TTLL5: variants seen among roughly 807,000 people sequenced by gnomAD.
The protein encoded by TTLL5 is tubulin tyrosine ligase like 5, also known as tubulin polyglutamylase TTLL5.
A neutral mutation model predicts 168.4 loss-of-function variants in TTLL5; 132 were observed. The ratio of observed to expected loss-of-function variants is 0.78; its 90% CI spans 0.68 to 0.91. The LOEUF is 0.91. Among genes scored for constraint, TTLL5 ranks in the 40% least tolerant of loss-of-function variants. The pLI, the probability that TTLL5 is intolerant of heterozygous loss-of-function variation, is 0.00. For synonymous variants in TTLL5, 546 were observed against 558.6 expected (o/e 0.98, Z 0.32); for missense variants, 1,545 against 1,581.5 (o/e 0.98, Z 0.39).
chr14:75,896,801 A>G (rs2032683077), intron 30 of TTLL5, among the ~76,000 whole-genome samples: 1 of 152,204 alleles, frequency 6.6e-6, no homozygotes, highest in Non-Finnish European at 1.5e-5. Flanking sequence ...AGATCCACGA[A>G]AAACATGTCA....
intron 20 of TTLL5, among the ~76,000 whole-genome samples, chr14:75,769,472 T>C (rs992732493): frequency 1.3e-5 from 2 of 152,206 alleles, no homozygotes; most frequent in African/African-American, 4.8e-5. Context: ...CTGAACAATG[T>C]GTCCAATACC....
intron 28 of TTLL5, among the ~76,000 whole-genome samples, chr14:75,824,937 T>C (rs1376230389): frequency 2.0e-5 from 3 of 152,214 alleles, no homozygotes; most frequent in African/African-American, 7.2e-5. Context: ...GCAATTTCTG[T>C]TAGGAAGATG....
intron 31 of TTLL5, among the ~76,000 whole-genome samples, chr14:75,928,340 A>AAAATATATATATATATATATAT (rs1227482803): frequency 1.1e-4 from 2 of 18,388 alleles, no homozygotes; most frequent in Admixed American, 6.5e-4. Flanking sequence ...GAATGACAAA[A>AAAATATATATATATATATATAT]ACATATATAT....
intron 19 of TTLL5, 82 bp from the exon 20 acceptor site, chr14:75,765,980 A>T: frequency 7.7e-7 from 1 of 1,304,868 alleles, no homozygotes; most frequent in Non-Finnish European, 1.1e-6. Context: ...ATGGGCTTTT[A>T]CTAAAAAGAG....
intron 27 of TTLL5, among the ~76,000 whole-genome samples, chr14:75,812,452 C>T (rs1894104786): frequency 6.6e-6 from 1 of 152,112 alleles, no homozygotes; most frequent in Admixed American, 6.5e-5. Context: ...ACCACTATTT[C>T]TCAGGGCAGC....
intron 18 of TTLL5, among the ~76,000 whole-genome samples, chr14:75,756,949 T>C (rs1890300577): frequency 6.8e-6 from 1 of 147,020 alleles, no homozygotes; most frequent in South Asian, 2.3e-4. Flanking sequence ...GAGTATCTTT[T>C]TTCAATAGAG....
chr14:75,775,673 A>G, intron 22 of TTLL5, 43 bp downstream of exon 22: 1 of 1,606,126 alleles, frequency 6.2e-7, no homozygotes, highest in Non-Finnish European at 8.5e-7. Context: ...ATTGCCATAC[A>G]CTGTCAGAAA....
At chr14:75,678,615 A>G (rs74211653) in intron 3 of TTLL5, among the ~76,000 whole-genome samples, 1 of 152,086 alleles carries the variant, frequency 6.6e-6, no homozygotes, top group Non-Finnish European at 1.5e-5. Flanking sequence ...TAAATATTCT[A>G]GACTGCTTGT....
At chr14:75,670,733 C>G (rs1203504176) in intron 3 of TTLL5, among the ~76,000 whole-genome samples, 1 of 152,142 alleles carries the variant, frequency 6.6e-6, no homozygotes, top group African/African-American at 2.4e-5. Context: ...AAGGCCTATT[C>G]AAGTCCTTTG....
chr14:75,670,336 G>T (rs954279030), intron 3 of TTLL5, among the ~76,000 whole-genome samples: 1 of 152,036 alleles, frequency 6.6e-6, no homozygotes, highest in African/African-American at 2.4e-5. Flanking sequence ...AATCCACTGT[G>T]TCTGGCCTTT....
At chr14:75,932,215 CA>C (rs1254328605) in intron 31 of TTLL5, among the ~76,000 whole-genome samples, 2 of 152,148 alleles carry the variant, frequency 1.3e-5, no homozygotes, top group African/African-American at 4.8e-5. Flanking sequence ...TCTTTGTAAT[CA>C]ACTTTTTTTC....
chr14:75,917,967 A>G (rs1375357561), intron 31 of TTLL5, among the ~76,000 whole-genome samples: 1 of 152,194 alleles, frequency 6.6e-6, no homozygotes, highest in Admixed American at 6.5e-5. Context: ...GTCCAGGGCT[A>G]GTGCTGCTCT....
intron 5 of TTLL5, among the ~76,000 whole-genome samples, chr14:75,687,530 TC>T (rs1885161530): frequency 6.6e-6 from 1 of 152,146 alleles, no homozygotes; most frequent in South Asian, 2.1e-4. Context: ...TGCCTCAGCC[TC>T]CCAAAGTGCT....
chr14:75,800,069 T>C (rs765782806), intron 27 of TTLL5, among the ~76,000 whole-genome samples: 25 of 152,360 alleles, frequency 1.6e-4, no homozygotes, highest in Non-Finnish European at 2.9e-4. Context: ...TTTTCCAAAC[T>C]TTTAGATTTC....
chr14:75,941,891 A>G (rs921444228), intron 31 of TTLL5, among the ~76,000 whole-genome samples: 29 of 133,976 alleles, frequency 2.2e-4, no homozygotes, highest in South Asian at 1.4e-3. Flanking sequence ...GCTATGAGTC[A>G]TAGGATTTCA....
intron 24 of TTLL5, among the ~76,000 whole-genome samples, chr14:75,780,578 T>TACCTAGTACTTA (rs1891990727): frequency 1.3e-5 from 2 of 152,224 alleles, no homozygotes; most frequent in African/African-American, 4.8e-5. Context: ...CTACTGATGT[T>TACCTAGTACTTA]GTCAGTGTGC....
chr14:75,791,186 A>G (rs1291354915), intron 26 of TTLL5, among the ~76,000 whole-genome samples: 1 of 150,778 alleles, frequency 6.6e-6, no homozygotes, highest in Non-Finnish European at 1.5e-5. Flanking sequence ...CAACAATTCC[A>G]CTCCTGGGCA....
chr14:75,919,524 T>G (rs946458087), intron 31 of TTLL5, among the ~76,000 whole-genome samples: 2 of 152,182 alleles, frequency 1.3e-5, no homozygotes, highest in Admixed American at 1.3e-4. Context: ...CCAAGACTAT[T>G]CAGCGGAATA....
chr14:75,690,159 T>C (rs370458155), intron 5 of TTLL5, 33 bp from the exon 6 acceptor site: 17 of 1,612,568 alleles, frequency 1.1e-5, no homozygotes, highest in African/African-American at 6.7e-5. Flanking sequence ...GAGTCATAGT[T>C]TACTGAATGG....
Sources: allele counts gnomAD v4.1 joint callset (sites outside exome capture counted in the v4.1 genomes callset), GRCh38; gene constraint gnomAD v4.1.1; transcripts MANE v1.5; gene names NCBI Gene and HGNC (gene_info 2026-07-23, HGNC 2026-07-21).